The following CRTAP variants were observed in gnomAD, a reference collection of about 807,000 sequenced individuals.
CRTAP encodes cartilage associated protein, also known as cartilage-associated protein.
In CRTAP, 33 loss-of-function variants were observed where a neutral mutation model predicts 42.7. That is an observed-to-expected ratio of 0.77 (90% confidence interval 0.59 to 1.03). The LOEUF is 1.03. CRTAP is among the 50% of genes least tolerant of loss of function. The pLI, the probability that CRTAP is intolerant of heterozygous loss-of-function variation, is 0.00. For missense variants in CRTAP, 613 were observed against 533.9 expected, an observed-to-expected ratio of 1.15 and a Z score of -1.46; for synonymous variants, 243 against 217.7, an observed-to-expected ratio of 1.12 and a Z score of -1.02.
At chr3:33,119,406 G>C (rs1197298059) in intron 1 of CRTAP, among the ~76,000 whole-genome samples, 3 of 152,124 alleles carry the variant, frequency 2.0e-5, no homozygotes, top group African/African-American at 7.2e-5. Flanking sequence ...CGGGAAGACA[G>C]AACCCAGAAC....
intron 2 of CRTAP, among the ~76,000 whole-genome samples, chr3:33,123,161 G>T (rs2029938191): frequency 6.6e-6 from 1 of 152,196 alleles, no homozygotes; most frequent in South Asian, 2.1e-4. Context: ...TCTGGCATGT[G>T]GTTGCCCTTC....
intron 2 of CRTAP, among the ~76,000 whole-genome samples, chr3:33,123,625 G>GTTTTTTTTTT (rs141876885): frequency 9.4e-6 from 1 of 106,372 alleles, no homozygotes; most frequent in Non-Finnish European, 1.8e-5. Flanking sequence ...CCCAGTCTCG[G>GTTTTTTTTTT]TTTTTTTTTT....
At chr3:33,127,809 C>A (rs2125601798) in intron 3 of CRTAP, among the ~76,000 whole-genome samples, 1 of 150,908 alleles carries the variant, frequency 6.6e-6, no homozygotes, top group African/African-American at 2.4e-5. Flanking sequence ...TGCAGTGGTG[C>A]GATCTTGGCT....
intron 2 of CRTAP, among the ~76,000 whole-genome samples, chr3:33,124,170 T>A (rs776242015): frequency 3.3e-5 from 5 of 152,214 alleles, no homozygotes; most frequent in African/African-American, 4.8e-5. Flanking sequence ...TAATTCAGAT[T>A]ATTATCAAGG....
chr3:33,141,018 G>A (rs968634807), intron 6 of CRTAP, among the ~76,000 whole-genome samples: 1 of 151,856 alleles, frequency 6.6e-6, no homozygotes, highest in Non-Finnish European at 1.5e-5. Context: ...TTTTGTTTTT[G>A]TTTTTGTTTT....
chr3:33,130,375 G>A (rs190697409), intron 4 of CRTAP, among the ~76,000 whole-genome samples: 3 of 152,278 alleles, frequency 2.0e-5, no homozygotes, highest in Admixed American at 2.0e-4. Flanking sequence ...GTTAATAGAT[G>A]TGAAATGTCT....
In CRTAP at chr3:33,114,664, C is replaced by T. The variant is rs77211724; in HGVS notation, c.471+116C>T. On this transcript the variant is annotated intron_variant, in intron 1 of 6. Transcript: ENST00000320954. The stretch of plus-strand genomic sequence containing the variant: ...GCCCCTCCAGTTCTAGACCTGGCTC[C>T]CTCCCATCCAGCCCTGCCAAAGGTC... The T allele has an allele frequency of 3.7e-4, 346 of 938,376 alleles. 1 individual carries two copies. The East Asian group carries it at 8.4e-3, about 23-fold the overall frequency. 58.1% of individuals were successfully genotyped at this position (938,376 alleles called of 1,614,324 possible). A position where few individuals can be genotyped will look rare whatever the true frequency, so the allele number is the denominator to read the frequency against.
At chr3:33,129,352 G>T (rs1271974314) in intron 3 of CRTAP, among the ~76,000 whole-genome samples, 2 of 152,018 alleles carry the variant, frequency 1.3e-5, no homozygotes, top group East Asian at 3.8e-4. Context: ...GGGGGTAATT[G>T]TATTTCCTAA....
chr3:33,122,709 CAAAAAAAAAAAAA>C (rs58820155), intron 2 of CRTAP, among the ~76,000 whole-genome samples: 2 of 87,526 alleles, frequency 2.3e-5, no homozygotes, highest in East Asian at 7.5e-4. Context: ...GACTCTGTCT[CAAAAAAAAAAAAA>C]AAAAAAAAAA....
chr3:33,122,376 C>T (rs902637041), intron 2 of CRTAP, among the ~76,000 whole-genome samples: 1 of 151,980 alleles, frequency 6.6e-6, no homozygotes, highest in Non-Finnish European at 1.5e-5. Flanking sequence ...CTCAGCCTGT[C>T]TTATTTCCAG....
At chr3:33,121,964 A>G (rs2029885224) in intron 2 of CRTAP, among the ~76,000 whole-genome samples, 1 of 151,978 alleles carries the variant, frequency 6.6e-6, no homozygotes, top group Non-Finnish European at 1.5e-5. Context: ...GCGCATGCCA[A>G]TGGGACATAT....
At position 33,114,558 on chromosome 3, in the gene CRTAP, C is replaced by T. The variant is rs1478439073; in HGVS notation, c.471+10C>T. ...GTTCGCTTACTTCAAGGCAAGTCCG[C>T]CTCGCCCCGTCCCAGGCCCCGGCCC... is the stretch of plus-strand genomic sequence containing the variant. On this transcript the variant is annotated intron_variant, in intron 1 of 6. Coordinates refer to ENST00000320954, the MANE Select transcript of CRTAP (RefSeq NM_006371.5). The T allele has an allele frequency of 1.9e-6, 3 of 1,568,060 alleles. No individual in the cohort carries two copies. In the South Asian group the frequency reaches 3.5e-5, roughly 18 times the overall value.
intron 6 of CRTAP, among the ~76,000 whole-genome samples, chr3:33,136,771 T>C (rs1328568716): frequency 1.3e-5 from 2 of 152,190 alleles, no homozygotes; most frequent in Non-Finnish European, 2.9e-5. Context: ...AACTCACTTA[T>C]TATCATGAGG....
chr3:33,116,192 A>G (rs1036863385), intron 1 of CRTAP, among the ~76,000 whole-genome samples: 3 of 152,212 alleles, frequency 2.0e-5, no homozygotes, highest in African/African-American at 7.2e-5. Context: ...GTTACAGGGA[A>G]GAGGGGAAGA....
At chr3:33,137,814 C>T (rs1367909265) in intron 6 of CRTAP, among the ~76,000 whole-genome samples, 2 of 152,170 alleles carry the variant, frequency 1.3e-5, no homozygotes, top group Admixed American at 6.5e-5. Flanking sequence ...TTTACTCCTA[C>T]GATTTTTGTA....
At chr3:33,123,232 G>C (rs946054981) in intron 2 of CRTAP, among the ~76,000 whole-genome samples, 3 of 152,166 alleles carry the variant, frequency 2.0e-5, no homozygotes, top group Non-Finnish European at 4.4e-5. Flanking sequence ...GGAGGAAGTG[G>C]GGTGACAGAC....
rs1447709017 is a variant in CRTAP at position 33,124,536 on chromosome 3, C to T, written c.750C>T (p.Ser250=). 6.2e-7 allele frequency: 1 copy of T among 1,614,208 alleles called. No homozygotes were observed. The highest frequency in any genetic ancestry group is 1.7e-5 in the Admixed American group (1 of 60,024). The stretch of plus-strand genomic sequence containing the variant: ...AGTGTCTCGCAGCCTGCGAGGGTTC[C>T]AGGGAGATCAAGGACTTCAAGGATT... ...FYECLAACEG[S]REIKDFKDFY... is the part of the protein sequence containing the mutation. The change falls in exon 3 of 7, where the codon TCC becomes TCT. Residue 250 remains serine, a synonymous_variant. Coordinates refer to ENST00000320954, the MANE Select transcript of CRTAP (RefSeq NM_006371.5).
Position 33,114,042 on chromosome 3 carries a change from C to T in CRTAP, c.-36C>T. 7.1e-7 allele frequency: 1 copy of T among 1,415,526 alleles called. No individual in the cohort carries two copies. Among genetic ancestry groups the T allele is most frequent in the East Asian group, 3.0e-5 (1 of 33,142 alleles). The allele number at this position is 1,415,526 out of a possible 1,614,324, so 87.7% of individuals were successfully genotyped here. ...TTCCTTCTCCCTCCCCTTTTCCCTT[C>T]CTTCGTCCCTTCCTTCCTTCCTTTC... is the stretch of plus-strand genomic sequence containing the variant. On this transcript the variant is annotated 5_prime_UTR_variant, in exon 1 of 7. Transcript: ENST00000320954.
At position 33,114,296 on chromosome 3, in the gene CRTAP, G is replaced by A; in HGVS notation, c.219G>A (p.Leu73=). The change falls in exon 1 of 7, where the codon CTG becomes CTA. Residue 73 remains leucine (L), a synonymous_variant. Coordinates refer to ENST00000320954, the MANE Select transcript of CRTAP (RefSeq NM_006371.5). The part of the protein sequence containing the change: ...SVGYLEISLR[L]HRLLRDSEAF... ...GCTACCTGGAGATCAGCCTGCGGCTGCACCGCTTGCTGCGCGACAGCGAGG... is the reference window on the plus strand; with the variant it reads ...GCTACCTGGAGATCAGCCTGCGGCTACACCGCTTGCTGCGCGACAGCGAGG... 1 of 1,564,782 alleles carries A rather than the reference G, an allele frequency of 6.4e-7. No individual in the cohort carries two copies. The highest frequency in any genetic ancestry group is 1.2e-5 in the South Asian group (1 of 86,194).
Sources: gnomAD v4.1 joint callset for allele counts (sites outside exome capture counted in the v4.1 genomes callset) on GRCh38, gnomAD v4.1.1 for gene constraint, MANE v1.5 for transcripts, NCBI Gene and HGNC (gene_info 2026-07-23, HGNC 2026-07-21) for gene names.